NDUFV3: variants seen among roughly 807,000 people sequenced by gnomAD.
NDUFV3 encodes NADH dehydrogenase [ubiquinone] flavoprotein 3, mitochondrial.
A neutral mutation model predicts 37.5 loss-of-function variants in NDUFV3; 44 were observed. The ratio of observed to expected loss-of-function variants is 1.17; its 90% CI spans 0.92 to 1.51. The LOEUF (loss-of-function observed/expected upper bound fraction) is 1.51. Ranked by LOEUF, NDUFV3 falls within the 40% of genes most tolerant of loss-of-function variation. The pLI, the probability that NDUFV3 is intolerant of heterozygous loss-of-function variation, is 0.00. For missense variants in NDUFV3, 580 were observed against 580.4 expected, an observed-to-expected ratio of 1.00 and a Z score of 0.01; for synonymous variants, 235 against 239.3, an observed-to-expected ratio of 0.98 and a Z score of 0.17.
rs1380994317 is a variant in NDUFV3, at chr21:42,897,190, C to A, written c.169+143C>A. On this transcript the variant is annotated intron_variant, in intron 2 of 3. Transcript: ENST00000354250. ...AGCAGTGTCCAGATTATACAAGACA[C>A]AAGATCTATAACAGATTTTAGACCA... 9.6e-6 allele frequency: 9 copies of A among 942,194 alleles called. No individual in the cohort carries two copies. The Admixed American group carries it at 1.2e-4, about 13-fold the overall frequency. 58.4% of individuals were successfully genotyped at this position (942,194 alleles called of 1,614,324 possible).
intron 2 of NDUFV3, among the ~76,000 whole-genome samples, chr21:42,902,879 TA>T (rs2058722631): frequency 6.6e-6 from 1 of 152,204 alleles, no homozygotes; most frequent in African/African-American, 2.4e-5. Flanking sequence ...CTGTATACTT[TA>T]AATCATCTCT....
intron 2 of NDUFV3, among the ~76,000 whole-genome samples, chr21:42,901,591 G>C (rs1417191995): frequency 6.7e-6 from 1 of 148,902 alleles, no homozygotes; most frequent in African/African-American, 2.5e-5. Flanking sequence ...GACTGAGCTA[G>C]ACTCCATCTC....
At position 42,909,178 on chromosome 21, in the gene NDUFV3, GTCACCC is replaced by G. The variant is rs2058757555; in HGVS notation, c.*158_*163del. The G allele has an allele frequency of 1.3e-5, 10 of 757,064 alleles. No homozygotes were observed. The highest frequency in any genetic ancestry group is 2.0e-5 in the Non-Finnish European group (10 of 498,856). 46.9% of individuals were successfully genotyped at this position (757,064 alleles called of 1,614,324 possible). On this transcript the variant is annotated 3_prime_UTR_variant, in exon 4 of 4. Transcript: ENST00000354250. ...TTTTTTTGAGACAGGGTCTCACTCT[GTCACCC>G]AGGCTGGAGTGCAGTGGCACATTCT...
Position 42,909,030 on chromosome 21 carries a change from G to C in NDUFV3, c.*9G>C, listed in dbSNP as rs528276891. ...AGTCACCTCGACACTGAGGGCCCTC[G>C]GTGTGAAGATGAACCTTCCACCGTC... On this transcript the variant is annotated 3_prime_UTR_variant, in exon 4 of 4. Coordinates refer to ENST00000354250, the MANE Select transcript of NDUFV3 (RefSeq NM_021075.4). 4.3e-6 allele frequency: 7 copies of C among 1,612,772 alleles called. No homozygotes were observed. The highest frequency in any genetic ancestry group is 2.7e-5 in the African/African-American group (2 of 74,866).
rs1359959844 is a variant in NDUFV3, at chr21:42,904,354, G to A, written c.1264+78G>A. 3.9e-6 allele frequency: 6 copies of A among 1,534,580 alleles called. No individual in the cohort carries two copies. In the African/African-American group the frequency reaches 6.9e-5, roughly 18 times the overall value. ...CAAAAGAACTAATTTACATATGCTT[G>A]TAGAGCAGTGTTACAATTAGTCAAA... On this transcript the variant is annotated intron_variant, in intron 3 of 3. Transcript: ENST00000354250.
At chr21:42,894,472 A>G (rs1406032832) in intron 1 of NDUFV3, among the ~76,000 whole-genome samples, 1 of 69,582 alleles carries the variant, frequency 1.4e-5, no homozygotes, top group Non-Finnish European at 2.5e-5. Flanking sequence ...ATAAATATAT[A>G]TTATATATTT....
chr21:42,902,766 T>C (rs1000880423), intron 2 of NDUFV3, among the ~76,000 whole-genome samples: 1 of 152,170 alleles, frequency 6.6e-6, no homozygotes, highest in African/African-American at 2.4e-5. Context: ...CTGAGGGGAA[T>C]TGGTTCTAGG....
chr21:42,910,553 G>A lies in NDUFV3; in HGVS notation c.*1532G>A, dbSNP rs1317278332. 6.9e-6 allele frequency: 1 copy of A among 144,924 alleles called. No homozygotes were observed. Among genetic ancestry groups the A allele is most frequent in the Non-Finnish European group, 1.6e-5 (1 of 64,000 alleles). 9.0% of individuals were successfully genotyped at this position (144,924 alleles called of 1,614,324 possible). A position where few individuals can be genotyped will look rare whatever the true frequency, so the allele number is the denominator to read the frequency against. On this transcript the variant is annotated 3_prime_UTR_variant, in exon 4 of 4. Transcript: ENST00000354250. The stretch of plus-strand genomic sequence containing the variant: ...TTTCGTGCAGTACAGGGACGGAGTA[G>A]GAAGAGGTGAAGTTTCGTGCAGTAC...
rs1453337966 is a variant in NDUFV3, at chr21:42,908,974, T to C, written c.1375T>C (p.Phe459Leu). The C allele has an allele frequency of 1.2e-6, 2 of 1,613,974 alleles. No individual in the cohort carries two copies. Among genetic ancestry groups the C allele is most frequent in the Non-Finnish European group, 8.5e-7 (1 of 1,179,990 alleles). Residue 459 changes from phenylalanine (F) to leucine (L), a missense_variant, in exon 4 of 4, where the codon TTC becomes CTC. Phe to Leu is a conservative substitution (Grantham distance 22). Coordinates refer to ENST00000354250, the MANE Select transcript of NDUFV3 (RefSeq NM_021075.4). ...AGACCTCAACCTCGAACTCTCAAAA[T>C]TCAGGATGCCTCAGCCCTCCTCAGG... Reference protein sequence around the residue: ...FLDLNLELSKFRMPQPSSGRE... With the variant: ...FLDLNLELSKLRMPQPSSGRE...
rs770741510 is a variant in NDUFV3 at position 42,903,422 on chromosome 21, C to G, written c.410C>G (p.Ser137Cys). 7.4e-6 allele frequency: 12 copies of G among 1,614,102 alleles called. No individual in the cohort carries two copies. The highest frequency in any genetic ancestry group is 6.7e-5 in the East Asian group (3 of 44,896). The change falls in exon 3 of 4, where the codon TCT becomes TGT. Residue 137 changes from serine (S) to cysteine (C), a missense_variant. Coordinates refer to ENST00000354250, the MANE Select transcript of NDUFV3 (RefSeq NM_021075.4). ...KVLSPFRKQG[S>C]DSEARQVGRK... ...CTGTCTCCATTCAGAAAACAGGGCT[C>G]TGATTCAGAAGCTCGTCAGGTGGGT...
chr21:42,911,515 C>G lies in NDUFV3; in HGVS notation c.*2494C>G, dbSNP rs1202646358. 1 of 132,094 alleles carries G rather than the reference C, an allele frequency of 7.6e-6. No individual in the cohort carries two copies. 8.2% of individuals were successfully genotyped at this position (132,094 alleles called of 1,614,324 possible). The stretch of plus-strand genomic sequence containing the variant: ...CCGGAGGAGTGGTGCGATCTCAGCT[C>G]ACTGCAGCCTCGTCCTCCCAGGCCC... On this transcript the variant is annotated 3_prime_UTR_variant, in exon 4 of 4. Coordinates refer to ENST00000354250, the MANE Select transcript of NDUFV3 (RefSeq NM_021075.4).
chr21:42,908,797 G>A, intron 3 of NDUFV3, 67 bp from the exon 4 acceptor site: 1 of 1,586,806 alleles, frequency 6.3e-7, no homozygotes, highest in Non-Finnish European at 8.7e-7. Context: ...GCGCCTGTGT[G>A]TGAGCCGAGT....
chr21:42,897,095 A>G (rs750216452), intron 2 of NDUFV3, 48 bp downstream of exon 2: 248 of 1,606,814 alleles, frequency 1.5e-4, no homozygotes, highest in Non-Finnish European at 2.0e-4. Context: ...CAAAAAGAAA[A>G]TAGATTAGTC....
intron 2 of NDUFV3, 25 bp downstream of exon 2, chr21:42,897,072 G>A (rs1281620482): frequency 6.2e-7 from 1 of 1,612,660 alleles, no homozygotes; most frequent in Non-Finnish European, 8.5e-7. Context: ...GTAGTCATAA[G>A]GGAAAGAGAA....
At chr21:42,900,031 C>G (rs758975696) in intron 2 of NDUFV3, among the ~76,000 whole-genome samples, 8 of 152,074 alleles carry the variant, frequency 5.3e-5, no homozygotes, top group Non-Finnish European at 1.2e-4. Flanking sequence ...AAACCTATCT[C>G]TAGAAAAAAC....
intron 1 of NDUFV3, among the ~76,000 whole-genome samples, chr21:42,894,480 TTTA>T (rs2058680253): frequency 4.4e-5 from 2 of 45,450 alleles, no homozygotes; most frequent in Non-Finnish European, 7.8e-5. Context: ...ATATTATATA[TTTA>T]TATATTTATA....
intron 2 of NDUFV3, among the ~76,000 whole-genome samples, chr21:42,899,374 C>T (rs1015981866): frequency 4.0e-5 from 6 of 150,952 alleles, no homozygotes; most frequent in African/African-American, 1.5e-4. Flanking sequence ...CTGATTCAAG[C>T]AATTCTCCTG....
intron 2 of NDUFV3, among the ~76,000 whole-genome samples, chr21:42,902,562 G>A (rs1451435879): frequency 6.6e-6 from 1 of 152,214 alleles, no homozygotes; most frequent in Non-Finnish European, 1.5e-5. Context: ...TGACAGGGAA[G>A]CAACAAGGCG....
chr21:42,893,844 C>G (rs2058669393), intron 1 of NDUFV3, among the ~76,000 whole-genome samples: 1 of 152,178 alleles, frequency 6.6e-6, no homozygotes, highest in African/African-American at 2.4e-5. Flanking sequence ...TACTGACAGC[C>G]GTTGAGAAGC....
Sources: gnomAD v4.1 joint callset for allele counts (sites outside exome capture counted in the v4.1 genomes callset) on GRCh38, gnomAD v4.1.1 for gene constraint, MANE v1.5 for transcripts, NCBI Gene and HGNC (gene_info 2026-07-23, HGNC 2026-07-21) for gene names.